CNTNAP2: variants seen among roughly 807,000 people sequenced by gnomAD.
CNTNAP2 encodes the protein contactin-associated protein-like 2.
In CNTNAP2, 98 loss-of-function variants were observed where a neutral mutation model predicts 155.2. The ratio of observed to expected loss-of-function variants is 0.63; its 90% CI spans 0.54 to 0.75. CNTNAP2 has a LOEUF of 0.75. CNTNAP2 is among the 30% of genes least tolerant of loss of function. The pLI is 0.00. For synonymous variants in CNTNAP2, 651 were observed against 631.2 expected, an observed-to-expected ratio of 1.03 and a Z score of -0.47; for missense variants, 1,727 against 1,688.1, an observed-to-expected ratio of 1.02 and a Z score of -0.40.
intron 15 of CNTNAP2, among the ~76,000 whole-genome samples, chr7:147,990,829 T>G (rs1801699390): frequency 6.6e-6 from 1 of 152,184 alleles, no homozygotes; most frequent in African/African-American, 2.4e-5. Flanking sequence ...TATTGGGATC[T>G]CATTCTGTAA....
At chr7:146,985,484 AT>A (rs36058852) in intron 3 of CNTNAP2, among the ~76,000 whole-genome samples, 2 of 150,322 alleles carry the variant, frequency 1.3e-5, no homozygotes, top group African/African-American at 4.9e-5. Context: ...TGCCCGGCTA[AT>A]TTTTTTTTGT....
At chr7:147,100,500 T>C (rs985454082) in intron 4 of CNTNAP2, among the ~76,000 whole-genome samples, 1 of 152,198 alleles carries the variant, frequency 6.6e-6, no homozygotes, top group Non-Finnish European at 1.5e-5. Flanking sequence ...TGCATTTAAT[T>C]CAAAGGAAAT....
At chr7:148,385,749 T>G (rs1799178927) in intron 22 of CNTNAP2, among the ~76,000 whole-genome samples, 1 of 105,646 alleles carries the variant, frequency 9.5e-6, no homozygotes, top group Non-Finnish European at 2.2e-5. Context: ...TTTTTTTTTT[T>G]TTTTTTTTTT....
chr7:148,338,986 C>A (rs890981072), intron 21 of CNTNAP2, among the ~76,000 whole-genome samples: 2 of 152,144 alleles, frequency 1.3e-5, no homozygotes, highest in African/African-American at 4.8e-5. Context: ...TATTTTTTCC[C>A]AGATCCCAGA....
At chr7:146,781,944 C>T (rs942967124) in intron 2 of CNTNAP2, among the ~76,000 whole-genome samples, 2 of 152,162 alleles carry the variant, frequency 1.3e-5, no homozygotes, top group Non-Finnish European at 2.9e-5. Context: ...TCTGCTGTCT[C>T]TAGTCCGTGA....
intron 11 of CNTNAP2, among the ~76,000 whole-genome samples, chr7:147,559,862 T>C (rs1477578982): frequency 3.5e-5 from 4 of 112,976 alleles, no homozygotes; most frequent in Non-Finnish European, 5.7e-5. Context: ...GTCTTGCCGA[T>C]CTTAAAAAAA....
intron 14 of CNTNAP2, among the ~76,000 whole-genome samples, chr7:147,908,197 C>T (rs1300636552): frequency 3.3e-5 from 5 of 152,180 alleles, no homozygotes; most frequent in Non-Finnish European, 5.9e-5. Context: ...TCCACAACGC[C>T]ACATGCAGAT....
intron 1 of CNTNAP2, among the ~76,000 whole-genome samples, chr7:146,747,692 G>A (rs1231009265): frequency 1.3e-5 from 2 of 152,116 alleles, no homozygotes; most frequent in African/African-American, 4.8e-5. Context: ...ATTTTTAAAT[G>A]TACTATGTGT....
chr7:148,048,424 T>C (rs1040159275), intron 15 of CNTNAP2, among the ~76,000 whole-genome samples: 2 of 152,126 alleles, frequency 1.3e-5, no homozygotes, highest in African/African-American at 4.8e-5. Flanking sequence ...CCCTCTCCCT[T>C]CCCTTTAATG....
At chr7:148,227,470 A>G (rs1795874644) in intron 19 of CNTNAP2, among the ~76,000 whole-genome samples, 1 of 152,230 alleles carries the variant, frequency 6.6e-6, no homozygotes, top group African/African-American at 2.4e-5. Flanking sequence ...AAGACCCACC[A>G]TCTTCTGCAA....
At chr7:147,102,122 G>A (rs918318550) in intron 4 of CNTNAP2, among the ~76,000 whole-genome samples, 4 of 151,934 alleles carry the variant, frequency 2.6e-5, no homozygotes, top group African/African-American at 9.7e-5. Context: ...AGTAAACTAT[G>A]AGTTTTAAAA....
chr7:147,003,724 G>A (rs4725700), intron 3 of CNTNAP2, among the ~76,000 whole-genome samples: 13,931 of 151,864 alleles, frequency 0.092, 940 homozygotes, highest in East Asian at 0.26. Flanking sequence ...GTTAGGAACC[G>A]TTTAATGCCA....
At chr7:147,862,354 C>T (rs949812921) in intron 13 of CNTNAP2, among the ~76,000 whole-genome samples, 14 of 151,902 alleles carry the variant, frequency 9.2e-5, no homozygotes, top group African/African-American at 2.2e-4. Context: ...TTCTATTTGG[C>T]TTGTGTCGTA....
rs933862193 is a variant in CNTNAP2, at chr7:147,687,048, A to G, written c.2098+47742A>G. ...TTACTAGTATAAATAAAAGATAAAT[A>G]TTTAAGGCAATGGATATTCTGATTA... On this transcript the variant is annotated intron_variant, in intron 13 of 23. Coordinates refer to ENST00000361727, the MANE Select transcript of CNTNAP2 (RefSeq NM_014141.6). 2.6e-5 allele frequency among the ~76,000 whole-genome samples: 4 copies of G among 152,220 alleles called. No individual in the cohort carries two copies. In the South Asian group the frequency reaches 8.3e-4, roughly 32 times the overall value.
At chr7:146,131,954 C>T (rs1797720871) in intron 1 of CNTNAP2, among the ~76,000 whole-genome samples, 1 of 152,142 alleles carries the variant, frequency 6.6e-6, no homozygotes, top group South Asian at 2.1e-4. Flanking sequence ...AAGAAGGTGT[C>T]TGCTTTCCTT....
intron 1 of CNTNAP2, among the ~76,000 whole-genome samples, chr7:146,171,959 A>C (rs1293656992): frequency 1.3e-5 from 2 of 151,356 alleles, no homozygotes; most frequent in Non-Finnish European, 2.9e-5. Flanking sequence ...AAAACATTGT[A>C]GAAATTTCAA....
At chr7:147,254,911 AT>A (rs1161647551) in intron 8 of CNTNAP2, among the ~76,000 whole-genome samples, 1 of 152,242 alleles carries the variant, frequency 6.6e-6, no homozygotes, top group Admixed American at 6.5e-5. Flanking sequence ...AGCAATTTAT[AT>A]TCCAAAGAAA....
intron 3 of CNTNAP2, among the ~76,000 whole-genome samples, chr7:146,935,379 AAAGCCCAATGT>A (rs1796891528): frequency 6.6e-6 from 1 of 152,338 alleles, no homozygotes; most frequent in Non-Finnish European, 1.5e-5. Flanking sequence ...ATAAAATATG[AAAGCCCAATGT>A]AGGTGAGAGA....
chr7:146,271,304 A>G lies in CNTNAP2; in HGVS notation c.97+154331A>G, dbSNP rs1050383445. ...ATTTACATCTCAGCAGTGGCAAATG[A>G]TACTTATATGGTTTTATGTATTTTG... On this transcript the variant is annotated intron_variant, in intron 1 of 23. Transcript: ENST00000361727. Among the ~76,000 whole-genome samples the G allele has an allele frequency of 1.1e-4, 16 of 152,016 alleles. No individual in the cohort carries two copies. In the South Asian group the frequency reaches 3.3e-3, roughly 31 times the overall value.
Sources: gnomAD v4.1 joint callset for allele counts (sites outside exome capture counted in the v4.1 genomes callset) on GRCh38, gnomAD v4.1.1 for gene constraint, MANE v1.5 for transcripts, NCBI Gene and HGNC (gene_info 2026-07-23, HGNC 2026-07-21) for gene names.